Variants in HS3ST4 observed in about 807,000 individuals in gnomAD.
The protein encoded by HS3ST4 is heparan sulfate glucosamine 3-O-sulfotransferase 4.
HS3ST4 carries 17 observed loss-of-function variants against 29.2 expected under a neutral mutation model. The ratio of observed to expected loss-of-function variants is 0.58; its 90% CI spans 0.40 to 0.87. The LOEUF is 0.87. Among genes scored for constraint, HS3ST4 ranks in the 40% least tolerant of loss-of-function variants. HS3ST4 has a pLI of 0.00. For missense variants in HS3ST4, 627 were observed against 634.5 expected, an observed-to-expected ratio of 0.99 and a Z score of 0.13; for synonymous variants, 314 against 285.7, an observed-to-expected ratio of 1.10 and a Z score of -1.00.
intron 1 of HS3ST4, among the ~76,000 whole-genome samples, chr16:25,901,395 G>C (rs916860116): frequency 6.6e-6 from 1 of 152,216 alleles, no homozygotes; most frequent in Non-Finnish European, 1.5e-5. Context: ...TTCAGACTGG[G>C]AGTGGTGGCT....
At chr16:26,109,602 A>C (rs1567314180) in intron 1 of HS3ST4, among the ~76,000 whole-genome samples, 1 of 152,072 alleles carries the variant, frequency 6.6e-6, no homozygotes, top group African/African-American at 2.4e-5. Context: ...CTAATCTATG[A>C]GATCAACACA....
chr16:25,746,760 T>C (rs977006489), intron 1 of HS3ST4, among the ~76,000 whole-genome samples: 3 of 151,904 alleles, frequency 2.0e-5, no homozygotes, highest in African/African-American at 7.3e-5. Flanking sequence ...ACCATGTTGG[T>C]CAAGCTGGTC....
chr16:26,056,075 AGAG>A (rs2141768717), intron 1 of HS3ST4, among the ~76,000 whole-genome samples: 1 of 138,804 alleles, frequency 7.2e-6, no homozygotes, highest in African/African-American at 2.8e-5. Context: ...AGAGAGAGAG[AGAG>A]AAGAATGCAT....
rs556886612 is a variant in HS3ST4, at chr16:25,916,321, G to T, written c.735-219291G>T. ...ATTTCCCACCCAGAAATTTACAGGGGCCTGATTTATTACTTCCTTTGTTGT... is the reference window on the plus strand; with the variant it reads ...ATTTCCCACCCAGAAATTTACAGGGTCCTGATTTATTACTTCCTTTGTTGT... On this transcript the variant is annotated intron_variant, in intron 1 of 1. Coordinates refer to ENST00000331351, the MANE Select transcript of HS3ST4 (RefSeq NM_006040.3). Among the ~76,000 whole-genome samples, 367 of 152,222 alleles carry T rather than the reference G, an allele frequency of 2.4e-3. 2 individuals carry two copies. The highest frequency in any genetic ancestry group is 8.6e-3 in the African/African-American group (356 of 41,542).
intron 1 of HS3ST4, among the ~76,000 whole-genome samples, chr16:25,784,995 A>G (rs2141616959): frequency 6.6e-6 from 1 of 152,326 alleles, no homozygotes; most frequent in Non-Finnish European, 1.5e-5. Flanking sequence ...CTCATTCACC[A>G]TTCTGAAAAT....
Position 26,134,508 on chromosome 16 carries a change from G to A in HS3ST4, c.735-1104G>A, listed in dbSNP as rs1007086369. ...CTCCCAAGTAGCTGGGACTGCAGGC[G>A]CGTGCCACCATGCCCGGCTAATTTT... On this transcript the variant is annotated intron_variant, in intron 1 of 1. Coordinates refer to ENST00000331351, the MANE Select transcript of HS3ST4 (RefSeq NM_006040.3). Among the ~76,000 whole-genome samples, 20 of 151,744 alleles carry A rather than the reference G, an allele frequency of 1.3e-4. 1 individual carries two copies. Among genetic ancestry groups the A allele is most frequent in the Admixed American group, 3.3e-4 (5 of 15,232 alleles).
chr16:26,074,068 C>T (rs1395756092), intron 1 of HS3ST4, among the ~76,000 whole-genome samples: 2 of 152,176 alleles, frequency 1.3e-5, no homozygotes, highest in Non-Finnish European at 2.9e-5. Context: ...GGTAATCCCC[C>T]TCAGCCTTCC....
At chr16:25,882,764 C>T (rs981285951) in intron 1 of HS3ST4, among the ~76,000 whole-genome samples, 11 of 152,308 alleles carry the variant, frequency 7.2e-5, no homozygotes, top group African/African-American at 2.6e-4. Flanking sequence ...ACAGATTCCT[C>T]TTTGTTGAGA....
chr16:25,928,845 G>A (rs1440449662), intron 1 of HS3ST4, among the ~76,000 whole-genome samples: 2 of 152,134 alleles, frequency 1.3e-5, no homozygotes, highest in African/African-American at 2.4e-5. Flanking sequence ...TCTACCTGTA[G>A]CCCTGAAAGC....
chr16:25,882,013 G>T (rs886333350), intron 1 of HS3ST4, among the ~76,000 whole-genome samples: 1 of 152,162 alleles, frequency 6.6e-6, no homozygotes, highest in Non-Finnish European at 1.5e-5. Context: ...GGCAGCTTCA[G>T]GTGGCTTTGC....
intron 1 of HS3ST4, among the ~76,000 whole-genome samples, chr16:25,973,191 G>A (rs1968913770): frequency 6.6e-6 from 1 of 152,214 alleles, no homozygotes; most frequent in Non-Finnish European, 1.5e-5. Flanking sequence ...ACAGGGATTA[G>A]CAATTGTTCA....
At chr16:25,756,009 A>G (rs534438385) in intron 1 of HS3ST4, among the ~76,000 whole-genome samples, 2 of 152,262 alleles carry the variant, frequency 1.3e-5, no homozygotes, top group East Asian at 3.9e-4. Flanking sequence ...AGTAAAAGAG[A>G]AACTACATTT....
chr16:26,113,374 G>A (rs376808660), intron 1 of HS3ST4, among the ~76,000 whole-genome samples: 3 of 151,454 alleles, frequency 2.0e-5, no homozygotes, highest in Non-Finnish European at 1.5e-5. Context: ...TGAAACCGGG[G>A]GGTAGAGGTT....
chr16:25,748,468 C>T (rs947712932), intron 1 of HS3ST4, among the ~76,000 whole-genome samples: 2 of 152,198 alleles, frequency 1.3e-5, no homozygotes, highest in Non-Finnish European at 2.9e-5. Flanking sequence ...ACCTGCAGCT[C>T]AGAGAGCATC....
At chr16:25,773,596 T>C (rs532512284) in intron 1 of HS3ST4, among the ~76,000 whole-genome samples, 38 of 152,272 alleles carry the variant, frequency 2.5e-4, no homozygotes, top group African/African-American at 8.9e-4. Context: ...TTGGAGACAC[T>C]TTCAAGTAGA....
rs115269970 is a variant in HS3ST4 at position 26,074,137 on chromosome 16, C to T, written c.735-61475C>T. On this transcript the variant is annotated intron_variant, in intron 1 of 1. Transcript: ENST00000331351. ...AGGAGCATTTCCAAGCGGCTCCCTC[C>T]GTGCCCCACATCATTATACTCAGGA... Among the ~76,000 whole-genome samples, 368 of 152,242 alleles carry T rather than the reference C, an allele frequency of 2.4e-3. 2 individuals carry two copies. The highest frequency in any genetic ancestry group is 8.7e-3 in the African/African-American group (360 of 41,534).
At chr16:25,990,266 A>G (rs899641281) in intron 1 of HS3ST4, among the ~76,000 whole-genome samples, 3 of 152,192 alleles carry the variant, frequency 2.0e-5, no homozygotes, top group Non-Finnish European at 4.4e-5. Context: ...TCCTTTGGGT[A>G]TATATCAAAC....
intron 1 of HS3ST4, among the ~76,000 whole-genome samples, chr16:25,837,187 C>T (rs937339414): frequency 2.0e-5 from 3 of 152,168 alleles, no homozygotes; most frequent in African/African-American, 4.8e-5. Context: ...CTGCTGCAGA[C>T]GATCATTGTG....
rs116550721 is a variant in HS3ST4 at position 26,130,752 on chromosome 16, G to A, written c.735-4860G>A. Among the ~76,000 whole-genome samples, 484 of 152,278 alleles carry A rather than the reference G, an allele frequency of 3.2e-3. 2 individuals carry two copies. The highest frequency in any genetic ancestry group is 0.011 in the African/African-American group (458 of 41,542). Reference sequence around the variant, plus strand: ...CTCCCAGCATAGGCAGAGGACAGTCGTGTCTTCTTCTAACAAAGGTAAAGA... The same window carrying A: ...CTCCCAGCATAGGCAGAGGACAGTCATGTCTTCTTCTAACAAAGGTAAAGA... On this transcript the variant is annotated intron_variant, in intron 1 of 1. Transcript: ENST00000331351.
Sources: allele counts gnomAD v4.1 joint callset (sites outside exome capture counted in the v4.1 genomes callset), GRCh38; gene constraint gnomAD v4.1.1; transcripts MANE v1.5; gene names NCBI Gene and HGNC (gene_info 2026-07-23, HGNC 2026-07-21).